The following PGBD2 variants were observed in gnomAD, a reference collection of about 807,000 sequenced individuals.
PGBD2 encodes the protein piggyBac transposable element-derived protein 2.
In PGBD2, 6 loss-of-function variants were observed where a neutral mutation model predicts 8.1. The observed-to-expected ratio is 0.74, with a 90% CI of 0.40 to 1.46. PGBD2 has a LOEUF of 1.46. Among genes scored for constraint, PGBD2 ranks in the 40% most tolerant of loss-of-function variants. The pLI, the probability that PGBD2 is intolerant of heterozygous loss-of-function variation, is 0.02. For missense variants in PGBD2, 802 were observed against 739.0 expected (o/e 1.09, Z -0.99); for synonymous variants, 318 against 272.2 (o/e 1.17, Z -1.66).
intron 1 of PGBD2, among the ~76,000 whole-genome samples, chr1:248,911,329 A>G (rs561364803): frequency 6.6e-6 from 1 of 150,914 alleles, no homozygotes; most frequent in Non-Finnish European, 1.5e-5. Context: ...CTTAACGAGC[A>G]TCCTGCCTTC....
chr1:248,911,162 G>A (rs954278294), intron 1 of PGBD2, among the ~76,000 whole-genome samples: 1 of 151,594 alleles, frequency 6.6e-6, no homozygotes, highest in Admixed American at 6.6e-5. Context: ...GTGTTTCTCG[G>A]AGAGGGGGAT....
chr1:248,876,402 T>C, the PGBD2 span, among the ~76,000 whole-genome samples: 5,881 of 152,294 alleles, frequency 0.039, 377 homozygotes, highest in African/African-American at 0.13. Flanking sequence ...CTCAATACTT[T>C]AGGTGGAGGG....
At chr1:248,919,395 C>A (rs146605567), downstream of PGBD2, 2,010 of 166,696 alleles carry the variant, frequency 0.012, 27 homozygotes, top group South Asian at 0.015. Context: ...CAGTTCCATT[C>A]ATGTTGTTGC....
At chr1:248,875,168 T>A in the PGBD2 span, among the ~76,000 whole-genome samples, 3 of 151,770 alleles carry the variant, frequency 2.0e-5, no homozygotes, top group African/African-American at 7.3e-5. Context: ...TGGTGGCAGG[T>A]GCCTGTAGTC....
At chr1:248,882,193 A>T in the PGBD2 span, among the ~76,000 whole-genome samples, 5 of 152,298 alleles carry the variant, frequency 3.3e-5, no homozygotes, top group African/African-American at 9.6e-5. Flanking sequence ...GGTCCCACGG[A>T]GCCAAAAATG....
rs1043400174 is a variant in PGBD2, at chr1:248,906,259, G to C, written c.-131G>C. 1.3e-5 allele frequency: 2 copies of C among 152,052 alleles called. No individual in the cohort carries two copies. The highest frequency in any genetic ancestry group is 2.9e-5 in the Non-Finnish European group (2 of 68,032). 9.4% of individuals were successfully genotyped at this position (152,052 alleles called of 1,614,324 possible). On this transcript the variant is annotated 5_prime_UTR_variant, in exon 1 of 3. Transcript: ENST00000329291. ...CGGACGTTGCGCGGCCGCGACGCCC[G>C]ACGCCAACGCAGGCGCAGCGCTCCG...
In PGBD2 at chr1:248,917,114, A is replaced by C; in HGVS notation, c.530A>C (p.Gln177Pro). 2 of 1,614,118 alleles carry C rather than the reference A, an allele frequency of 1.2e-6. No individual in the cohort carries two copies. Among genetic ancestry groups the C allele is most frequent in the Middle Eastern group, 3.3e-4 (2 of 6,062 alleles). Residue 177 changes from glutamine to proline, a missense_variant, in exon 3 of 3, where the codon CAG becomes CCG. Physicochemically the swap from Gln to Pro is moderately conservative, Grantham distance 76. Coordinates refer to ENST00000329291, the MANE Select transcript of PGBD2 (RefSeq NM_170725.3). ...AATGTCAATTTGAGTCTTACGGCTC[A>C]GGAATTGAAGTGTGTTTTGGGCATT... Reference protein sequence around the residue: ...QKNVNLSLTAQELKCVLGILI... With the variant: ...QKNVNLSLTAPELKCVLGILI...
At position 248,918,583 on chromosome 1, in the gene PGBD2, T is replaced by G. The variant is rs926894646; in HGVS notation, c.*220T>G. On this transcript the variant is annotated 3_prime_UTR_variant, in exon 3 of 3. Transcript: ENST00000329291. ...TTTATATTCATTTATATTTATATTT[T>G]TGAACTTATTTATTTAAAGTTATGG... 5 of 246,504 alleles carry G rather than the reference T, an allele frequency of 2.0e-5. No individual in the cohort carries two copies. Among genetic ancestry groups the G allele is most frequent in the Non-Finnish European group, 3.2e-5 (4 of 123,924 alleles). 15.3% of individuals were successfully genotyped at this position (246,504 alleles called of 1,614,324 possible). A position where few individuals can be genotyped will look rare whatever the true frequency, so the allele number is the denominator to read the frequency against.
chr1:248,914,525 T>C, intron 2 of PGBD2: 1 of 1,289,238 alleles, frequency 7.8e-7, no homozygotes, highest in South Asian at 1.2e-5. Context: ...GGAGTGAATT[T>C]CTAATGCAGC....
the PGBD2 span, among the ~76,000 whole-genome samples, chr1:248,882,408 A>G: frequency 2.0e-5 from 3 of 152,238 alleles, no homozygotes; most frequent in African/African-American, 7.2e-5. Flanking sequence ...ACAGAGCCTT[A>G]AAACAGAAAC....
At chr1:248,875,906 G>A in the PGBD2 span, among the ~76,000 whole-genome samples, 1 of 151,824 alleles carries the variant, frequency 6.6e-6, no homozygotes, top group Admixed American at 6.6e-5. Context: ...TATTTATCTA[G>A]TGGTGGTAAG....
Position 248,913,838 on chromosome 1 carries a change from G to C in PGBD2, c.-25G>C, listed in dbSNP as rs1220540679. On this transcript the variant is annotated 5_prime_UTR_variant, in exon 2 of 3. Transcript: ENST00000329291. ...CAGGTTCTTAGACTCTGTGAGTAAA[G>C]ACAGCTTCATCTTCCCAGTTCATCA... The C allele has an allele frequency of 1.3e-6, 2 of 1,599,964 alleles. No individual in the cohort carries two copies. The highest frequency in any genetic ancestry group is 4.5e-5 in the East Asian group (2 of 44,820).
chr1:248,894,467 T>C, the PGBD2 span, among the ~76,000 whole-genome samples: 2 of 152,204 alleles, frequency 1.3e-5, no homozygotes, highest in Non-Finnish European at 2.9e-5. Context: ...AGACTCCGAT[T>C]ACATGCTTTT....
At chr1:248,921,578 A>G (rs1202340228), downstream of PGBD2, among the ~76,000 whole-genome samples, 1 of 152,218 alleles carries the variant, frequency 6.6e-6, no homozygotes, top group Non-Finnish European at 1.5e-5. Context: ...TGATGCCTCC[A>G]GCTTTGCCCT....
At chr1:248,915,683 G>C (rs1363218202) in intron 2 of PGBD2, among the ~76,000 whole-genome samples, 2 of 152,200 alleles carry the variant, frequency 1.3e-5, no homozygotes, top group East Asian at 3.8e-4. Context: ...AGAGTGTCAG[G>C]AGTTTCCATG....
chr1:248,912,186 T>C (rs1661916906), intron 1 of PGBD2, among the ~76,000 whole-genome samples: 1 of 152,272 alleles, frequency 6.6e-6, no homozygotes. Context: ...ACTCCTATAA[T>C]TAATTTCTGT....
intron 1 of PGBD2, chr1:248,912,725 T>C (rs781052259): frequency 1.3e-5 from 2 of 152,188 alleles, no homozygotes; most frequent in African/African-American, 4.8e-5. Context: ...GCATGTCCTC[T>C]TTGTGGACAG....
chr1:248,914,667 A>G (rs914405697), intron 2 of PGBD2: 3 of 1,160,606 alleles, frequency 2.6e-6, no homozygotes, highest in Non-Finnish European at 3.4e-6. Context: ...AGCTGCAGGG[A>G]CCTCTGTGCC....
the PGBD2 span, among the ~76,000 whole-genome samples, chr1:248,894,349 G>C: frequency 6.6e-6 from 1 of 152,148 alleles, no homozygotes; most frequent in East Asian, 1.9e-4. Flanking sequence ...ACCTAGAAAA[G>C]TCAAGGAGCT....
Sources: gnomAD v4.1 joint callset for allele counts (sites outside exome capture counted in the v4.1 genomes callset) on GRCh38, gnomAD v4.1.1 for gene constraint, MANE v1.5 for transcripts, NCBI Gene and HGNC (gene_info 2026-07-23, HGNC 2026-07-21) for gene names.